XYLT2: variants seen among roughly 807,000 people sequenced by gnomAD.
The protein encoded by XYLT2 is UDP-D-xylose:proteoglycan core protein beta-D-xylosyltransferase.
XYLT2 carries 37 observed loss-of-function variants against 82.6 expected under a neutral mutation model. That is an observed-to-expected ratio of 0.45 (90% confidence interval 0.34 to 0.59). The LOEUF is 0.59. Among genes scored for constraint, XYLT2 ranks in the 20% least tolerant of loss-of-function variants. The pLI is 0.01. For synonymous variants in XYLT2, 474 were observed against 499.0 expected, an observed-to-expected ratio of 0.95 and a Z score of 0.67; for missense variants, 934 against 1,181.3, an observed-to-expected ratio of 0.79 and a Z score of 3.07.
Position 50,354,417 on chromosome 17 carries a change from GC to G in XYLT2, c.642del (p.Gly215AlafsTer34). 1 of 1,607,566 alleles carries G rather than the reference GC, an allele frequency of 6.2e-7. No individual in the cohort carries two copies. ...TGTCCTCTGCTCTCAGGGAAGATGA[GC>G]CCCGGCATCCAGTGGGATGAGAGCC... ...PRHCQLTGKM[S>X]PGIQWDESQA... On this transcript the variant is annotated frameshift_variant, in exon 3 of 11. Coordinates refer to ENST00000017003, the MANE Select transcript of XYLT2 (RefSeq NM_022167.4). LOFTEE classifies it high-confidence loss of function.
At chr17:50,351,738 G>C (rs117942116) in intron 1 of XYLT2, among the ~76,000 whole-genome samples, 149 of 152,234 alleles carry the variant, frequency 9.8e-4, no homozygotes, top group African/African-American at 3.4e-3. Flanking sequence ...GGTTGGGGTC[G>C]AAGAGCAGGA....
At chr17:50,349,377 G>A (rs1456726785) in intron 1 of XYLT2, among the ~76,000 whole-genome samples, 2 of 152,054 alleles carry the variant, frequency 1.3e-5, no homozygotes, top group African/African-American at 4.8e-5. Flanking sequence ...GTAGAGAATA[G>A]GGTCTGCTGC....
In XYLT2 at chr17:50,355,572, A is replaced by G. The variant is rs1263667488; in HGVS notation, c.1079A>G (p.Asp360Gly). 6 of 1,614,072 alleles carry G rather than the reference A, an allele frequency of 3.7e-6. No homozygotes were observed. Among genetic ancestry groups the G allele is most frequent in the Non-Finnish European group, 4.2e-6 (5 of 1,179,986 alleles). The change falls in exon 5 of 11, where the codon GAC becomes GGC. Residue 360 changes from aspartate to glycine, a missense_variant. Physicochemically the swap from Asp to Gly is moderately conservative, Grantham distance 94. Coordinates refer to ENST00000017003, the MANE Select transcript of XYLT2 (RefSeq NM_022167.4). ...AATTTCCTCAAGTCACATGGCCGGGACAACTCCAGGTGAGGGGGTGGGGAA... is the reference window on the plus strand; with the variant it reads ...AATTTCCTCAAGTCACATGGCCGGGGCAACTCCAGGTGAGGGGGTGGGGAA... ...DKNFLKSHGR[D>G]NSRFIKKQGL...
chr17:50,348,035 G>C (rs1245119826), intron 1 of XYLT2, among the ~76,000 whole-genome samples: 1 of 152,206 alleles, frequency 6.6e-6, no homozygotes, highest in Non-Finnish European at 1.5e-5. Context: ...GGAGTTCCTG[G>C]CACATGCTCA....
intron 1 of XYLT2, among the ~76,000 whole-genome samples, chr17:50,352,316 A>G (rs938334282): frequency 6.6e-6 from 1 of 152,186 alleles, no homozygotes; most frequent in African/African-American, 2.4e-5. Context: ...GAGTGTTCAC[A>G]TGGTGGCCCC....
At position 50,354,834 on chromosome 17, in the gene XYLT2, G is replaced by T. The variant is rs1567806352; in HGVS notation, c.805-20G>T. 6.2e-7 allele frequency: 1 copy of T among 1,612,140 alleles called. No homozygotes were observed. Among genetic ancestry groups the T allele is most frequent in the East Asian group, 2.2e-5 (1 of 44,886 alleles). On this transcript the variant is annotated intron_variant, in intron 3 of 10. Coordinates refer to ENST00000017003, the MANE Select transcript of XYLT2 (RefSeq NM_022167.4). ...ATGGCGATAACACTGGAGGCTAGCT[G>T]AGTGTCTCCTCCCCACCAGCGTTCC...
At position 50,346,153 on chromosome 17, in the gene XYLT2, G is replaced by A; in HGVS notation, c.13G>A (p.Ala5Thr). Residue 5 changes from alanine (A) to threonine (T), a missense_variant, in exon 1 of 11, where the codon GCG becomes ACG. Physicochemically the swap from Ala to Thr is moderately conservative, Grantham distance 58. Coordinates refer to ENST00000017003, the MANE Select transcript of XYLT2 (RefSeq NM_022167.4). This position sits in a 1 kb window ranked among gnomAD's most constrained non-coding sequence, Gnocchi z 5.1. Reference protein sequence around the residue: MVASARVQKLVRRYK... With the variant: MVASTRVQKLVRRYK... ...CCCGGGCAGGAAGATGGTGGCGAGCGCGCGAGTGCAGAAGCTGGTGCGGCG... is the reference window on the plus strand; with the variant it reads ...CCCGGGCAGGAAGATGGTGGCGAGCACGCGAGTGCAGAAGCTGGTGCGGCG... 4.0e-6 allele frequency: 5 copies of A among 1,263,956 alleles called. No individual in the cohort carries two copies. The highest frequency in any genetic ancestry group is 1.5e-5 in the South Asian group (1 of 64,648). 78.3% of individuals were successfully genotyped at this position (1,263,956 alleles called of 1,614,324 possible).
rs1275542350 is a variant in XYLT2, at chr17:50,356,010, G to A, written c.1305+13G>A. On this transcript the variant is annotated intron_variant, in intron 6 of 10. Transcript: ENST00000017003. The stretch of plus-strand genomic sequence containing the variant: ...GCTCCCAGCCGAGGTGGGTAGCCCA[G>A]CAGGCATGAAGGCCAGGGAGGGCGT... 1 of 1,614,232 alleles carries A rather than the reference G, an allele frequency of 6.2e-7. No homozygotes were observed. Among genetic ancestry groups the A allele is most frequent in the African/African-American group, 1.3e-5 (1 of 75,072 alleles).
intron 2 of XYLT2, 132 bp downstream of exon 2, chr17:50,354,254 G>T: frequency 1.3e-6 from 2 of 1,513,982 alleles, no homozygotes. Context: ...TCTTCATCCA[G>T]TGTACTTACT....
In XYLT2 at chr17:50,360,582, T is replaced by TTTTTC; in HGVS notation, c.*295_*296insCTTTT. 1 of 1,178,338 alleles carries TTTTTC rather than the reference T, an allele frequency of 8.5e-7. No individual in the cohort carries two copies. The highest frequency in any genetic ancestry group is 1.0e-6 in the Non-Finnish European group (1 of 954,642). The allele number at this position is 1,178,338 out of a possible 1,614,324, so 73.0% of individuals were successfully genotyped here. On this transcript the variant is annotated 3_prime_UTR_variant, in exon 11 of 11. Coordinates refer to ENST00000017003, the MANE Select transcript of XYLT2 (RefSeq NM_022167.4). ...AATTTCTTTTTTTTCTTTTTTTTTT[T>TTTTTC]TTTTTTTTAATTTAAAAAGGAAAAT...
At chr17:50,358,736 A>G (rs1912666687) in intron 10 of XYLT2, among the ~76,000 whole-genome samples, 196 bp downstream of exon 10, 1 of 152,230 alleles carries the variant, frequency 6.6e-6, no homozygotes, top group Non-Finnish European at 1.5e-5. Flanking sequence ...AGGGAGCTTT[A>G]CAGTCATGCA....
chr17:50,360,277 G>T lies in XYLT2; in HGVS notation c.2584G>T (p.Gly862Trp), dbSNP rs368411795. 2 of 1,595,052 alleles carry T rather than the reference G, an allele frequency of 1.3e-6. No homozygotes were observed. Among genetic ancestry groups the T allele is most frequent in the Non-Finnish European group, 8.6e-7 (1 of 1,168,686 alleles). ...AGAGCTGGGGCCTGTCAAAGCAGACGGGCGACTCAGGTAGCAGGGCCCCAG... is the reference window on the plus strand; with the variant it reads ...AGAGCTGGGGCCTGTCAAAGCAGACTGGCGACTCAGGTAGCAGGGCCCCAG... ...KSELGPVKAD[G>W]RLR is the part of the protein sequence containing the mutation. The change falls in exon 11 of 11, where the codon GGG becomes TGG. Residue 862 changes from glycine (G) to tryptophan (W), a missense_variant. By Grantham distance (184) the Gly-to-Trp change is radical. Transcript: ENST00000017003.
Position 50,356,234 on chromosome 17 carries a change from C to CTCCCT in XYLT2, c.1455_1456insTCCCT (p.Lys486SerfsTer27). On this transcript the variant is annotated frameshift_variant, in exon 7 of 11. Coordinates refer to ENST00000017003, the MANE Select transcript of XYLT2 (RefSeq NM_022167.4). LOFTEE classifies it high-confidence loss of function. ...GGTGTGGCTGCTCCCCCAACGACTT[C>CTCCCT]AAGCCACAGGACTTCCTCCGGCTGC... 6.2e-7 allele frequency: 1 copy of CTCCCT among 1,614,036 alleles called. No individual in the cohort carries two copies. The highest frequency in any genetic ancestry group is 1.7e-5 in the Admixed American group (1 of 60,026).
rs888594669 is a variant in XYLT2 at position 50,355,870 on chromosome 17, T to C, written c.1178T>C (p.Ile393Thr). 1.1e-5 allele frequency: 17 copies of C among 1,614,072 alleles called. No individual in the cohort carries two copies. The highest frequency in any genetic ancestry group is 1.4e-5 in the Non-Finnish European group (16 of 1,180,042). The change falls in exon 6 of 11, where the codon ATT becomes ACT. Residue 393 changes from isoleucine to threonine, a missense_variant. Physicochemically the swap from Ile to Thr is moderately conservative, Grantham distance 89. Transcript: ENST00000017003. ...RLGERQIPAG[I>T]VVDGGSDWFV... ...GGCGAGCGGCAGATCCCAGCAGGCA[T>C]TGTGGTGGATGGCGGTTCTGACTGG...
In XYLT2 at chr17:50,357,217, C is replaced by T. The variant is rs763693883; in HGVS notation, c.1906C>T (p.Arg636Cys). Residue 636 changes from arginine to cysteine, a missense_variant, in exon 9 of 11, where the codon CGC (arginine) becomes TGC (cysteine). Arg to Cys is a radical substitution (Grantham distance 180, BLOSUM62 -3). Transcript: ENST00000017003. ...MPQGSLKLLG[R>C]SDQASRLQSL... Reference sequence around the variant, plus strand: ...CCAAGGGTCGCTGAAGCTGTTGGGGCGCAGTGACCAGGCCAGCCGGCTCCA... The same window carrying T: ...CCAAGGGTCGCTGAAGCTGTTGGGGTGCAGTGACCAGGCCAGCCGGCTCCA... 9 of 1,607,504 alleles carry T rather than the reference C, an allele frequency of 5.6e-6. No individual in the cohort carries two copies. Among genetic ancestry groups the T allele is most frequent in the South Asian group, 1.1e-5 (1 of 90,754 alleles).
Position 50,358,423 on chromosome 17 carries a change from C to T in XYLT2, c.2158C>T (p.Arg720Trp), listed in dbSNP as rs185089747. The change falls in exon 10 of 11, where the codon CGG (arginine) becomes TGG (tryptophan). Residue 720 changes from arginine (R) to tryptophan (W), a missense_variant. Physicochemically the swap from Arg to Trp is moderately radical, Grantham distance 101. This residue lies in a region of XYLT2 where 374 missense variants were observed against 465.6 expected (regional missense o/e 0.80). Coordinates refer to ENST00000017003, the MANE Select transcript of XYLT2 (RefSeq NM_022167.4). ...CACGCAATACAAGCCCCCACTGAGC[C>T]GGCCCCTGCGGCCAGGGCCCTGGAC... ...EVTQYKPPLS[R>W]PLRPGPWTVR... 136 of 1,614,124 alleles carry T rather than the reference C, an allele frequency of 8.4e-5. 1 individual carries two copies. In the East Asian group the frequency reaches 2.4e-3, roughly 29 times the overall value.
chr17:50,346,288 C>T lies in XYLT2; in HGVS notation c.135+13C>T. On this transcript the variant is annotated intron_variant, in intron 1 of 10. Coordinates refer to ENST00000017003, the MANE Select transcript of XYLT2 (RefSeq NM_022167.4). The surrounding 1 kb of genome is among the most constrained non-coding windows in gnomAD (Gnocchi z 5.1). ...CGAGGCGGGCGAGGTGCTCCGACGG[C>T]CGGGCGGGCGGGCAGGCCGGGCGCG... 4 of 1,091,028 alleles carry T rather than the reference C, an allele frequency of 3.7e-6. No homozygotes were observed. Among genetic ancestry groups the T allele is most frequent in the Non-Finnish European group, 4.5e-6 (4 of 892,052 alleles). 67.6% of individuals were successfully genotyped at this position (1,091,028 alleles called of 1,614,324 possible).
At chr17:50,347,632 TATGTG>T (rs1475876388) in intron 1 of XYLT2, among the ~76,000 whole-genome samples, 1 of 152,194 alleles carries the variant, frequency 6.6e-6, no homozygotes, top group East Asian at 1.9e-4. Context: ...GACCCTGGAA[TATGTG>T]ACCACTCTGG....
intron 7 of XYLT2, 116 bp downstream of exon 7, chr17:50,356,377 T>C: frequency 1.3e-6 from 2 of 1,549,962 alleles, no homozygotes; most frequent in Non-Finnish European, 1.7e-6. Flanking sequence ...GCAGCAACCC[T>C]CAGGGGTCTG....
Sources: gnomAD v4.1 joint callset for allele counts (sites outside exome capture counted in the v4.1 genomes callset) on GRCh38, gnomAD v4.1.1 for gene constraint, gnomAD v4.1.1 regional missense constraint, Gnocchi (gnomAD v3.1) non-coding constraint, MANE v1.5 for transcripts, NCBI Gene and HGNC (gene_info 2026-07-23, HGNC 2026-07-21) for gene names.